Variants in LEMD1 observed in about 807,000 individuals in gnomAD.
LEMD1 encodes the protein LEM domain-containing protein 1.
LEMD1 carries 18 observed loss-of-function variants against 17.4 expected under a neutral mutation model. The ratio of observed to expected loss-of-function variants is 1.04; its 90% CI spans 0.72 to 1.54. LEMD1 has a LOEUF of 1.54. LEMD1 is among the 40% of genes most tolerant of loss of function. The pLI, the probability that LEMD1 is intolerant of heterozygous loss-of-function variation, is 0.00. For missense variants in LEMD1, 195 were observed against 210.4 expected, an observed-to-expected ratio of 0.93 and a Z score of 0.45; for synonymous variants, 88 against 77.8, an observed-to-expected ratio of 1.13 and a Z score of -0.69.
At chr1:205,391,533 CA>C (rs1370203005) in intron 4 of LEMD1, among the ~76,000 whole-genome samples, 1 of 152,222 alleles carries the variant, frequency 6.6e-6, no homozygotes, top group Non-Finnish European at 1.5e-5. Context: ...GGCAGCCAAA[CA>C]GCCCATCTCC....
rs566227611 is a variant in LEMD1, at chr1:205,400,821, G to T, written c.270+15411C>A. On this transcript the variant is annotated intron_variant, in intron 4 of 5. Transcript: ENST00000367153. Reference sequence around the variant, plus strand: ...CCATTAACTTGTCATTTAGCATTAGGTATATCTCCTAATGCTATCCCTCCC... The same window carrying T: ...CCATTAACTTGTCATTTAGCATTAGTTATATCTCCTAATGCTATCCCTCCC... Among the ~76,000 whole-genome samples, 5 of 143,464 alleles carry T rather than the reference G, an allele frequency of 3.5e-5. No individual in the cohort carries two copies. The East Asian group carries it at 6.6e-4, about 19-fold the overall frequency. The allele number at this position is 143,464 out of a possible 152,430, so 94.1% of individuals were successfully genotyped here.
intron 1 of LEMD1, chr1:205,435,750 T>C (rs10900490): frequency 0.72 from 109,766 of 152,088 alleles, 40,623 homozygotes; most frequent in East Asian, 0.92. Flanking sequence ...GGCAGCTCTT[T>C]TCCAGTCTCT....
intron 1 of LEMD1, among the ~76,000 whole-genome samples, chr1:205,446,730 G>A (rs998086301): frequency 6.6e-6 from 1 of 152,196 alleles, no homozygotes; most frequent in African/African-American, 2.4e-5. Context: ...TGGACAATGA[G>A]GGAGGTGGAG....
At chr1:205,389,033 C>CTTTTTTTTTTTTTTTTT (rs1278093645) in intron 4 of LEMD1, among the ~76,000 whole-genome samples, 1 of 77,090 alleles carries the variant, frequency 1.3e-5, no homozygotes. Context: ...AGTACATTTG[C>CTTTTTTTTTTTTTTTTT]TTTCTTTTTT....
chr1:205,410,217 T>A (rs1305350077), intron 4 of LEMD1, among the ~76,000 whole-genome samples: 1 of 152,146 alleles, frequency 6.6e-6, no homozygotes, highest in Non-Finnish European at 1.5e-5. Flanking sequence ...CCACCACACC[T>A]GGCAGAATCC....
intron 1 of LEMD1, among the ~76,000 whole-genome samples, chr1:205,432,529 C>G (rs1666139541): frequency 6.6e-6 from 1 of 152,220 alleles, no homozygotes; most frequent in Admixed American, 6.5e-5. Flanking sequence ...AGAGGAAGCA[C>G]TCATGAAATT....
chr1:205,448,458 C>T lies in LEMD1; in HGVS notation c.-39+1410G>A, dbSNP rs74141216. ...GAGAAGCTGGGGCACCCGAGAAGCC[C>T]TCACTCCCCTTCTCAGCACCCCCGA... On this transcript the variant is annotated intron_variant, in intron 1 of 3. Transcript: ENST00000367154. The surrounding 1 kb of genome is among the most constrained non-coding windows in gnomAD (Gnocchi z 4.7). The T allele has an allele frequency of 0.13, 67,164 of 524,714 alleles. 4,646 individuals are homozygous for T. The highest frequency in any genetic ancestry group is 0.19 in the African/African-American group (9,726 of 51,724). The allele number at this position is 524,714 out of a possible 1,614,324, so 32.5% of individuals were successfully genotyped here.
At chr1:205,383,745 T>C (rs1359290680) in intron 5 of LEMD1, among the ~76,000 whole-genome samples, 1 of 151,310 alleles carries the variant, frequency 6.6e-6, no homozygotes, top group Admixed American at 6.6e-5. Context: ...GCAATTCCCC[T>C]GCCTCAGCCT....
At chr1:205,438,575 A>G (rs1412510312) in intron 1 of LEMD1, among the ~76,000 whole-genome samples, 1 of 152,224 alleles carries the variant, frequency 6.6e-6, no homozygotes, top group African/African-American at 2.4e-5. Flanking sequence ...TTTCCTGAGA[A>G]GGAAACTGAG....
chr1:205,442,691 G>A (rs908913031), intron 1 of LEMD1, among the ~76,000 whole-genome samples: 10 of 152,162 alleles, frequency 6.6e-5, no homozygotes, highest in Non-Finnish European at 1.3e-4. Context: ...TTAATAACCC[G>A]ATTTCCAGCA....
At chr1:205,411,542 T>G (rs1191391374) in intron 4 of LEMD1, among the ~76,000 whole-genome samples, 3 of 114,380 alleles carry the variant, frequency 2.6e-5, no homozygotes, top group East Asian at 2.4e-4. Flanking sequence ...GGCCACAGAG[T>G]GAGACTCCGT....
At chr1:205,449,570 A>AACAGC (rs1200218042) in intron 1 of LEMD1, among the ~76,000 whole-genome samples, 10 of 152,096 alleles carry the variant, frequency 6.6e-5, no homozygotes, top group Admixed American at 2.0e-4. Flanking sequence ...ATTCCCCAAC[A>AACAGC]ACAGCACAGC....
chr1:205,418,041 A>G (rs1360647570), intron 3 of LEMD1, among the ~76,000 whole-genome samples: 1 of 151,800 alleles, frequency 6.6e-6, no homozygotes, highest in Non-Finnish European at 1.5e-5. Context: ...GGTGACAAAG[A>G]CAGATGGGTC....
chr1:205,408,482 TTTTC>T (rs201539359), intron 4 of LEMD1, among the ~76,000 whole-genome samples: 103 of 147,520 alleles, frequency 7.0e-4, no homozygotes, highest in Admixed American at 1.3e-3. Context: ...TTTAATAACT[TTTTC>T]TTTCTTTCTT....
At chr1:205,439,767 T>C (rs114738344) in intron 1 of LEMD1, among the ~76,000 whole-genome samples, 3,911 of 152,304 alleles carry the variant, frequency 0.026, 71 homozygotes, top group Middle Eastern at 0.058. Context: ...TCTCTGCTGC[T>C]GGCATTCGTC....
chr1:205,419,207 A>AGCAGT (rs749396231), intron 3 of LEMD1, 23 bp downstream of exon 3: 1 of 1,611,530 alleles, frequency 6.2e-7, no homozygotes, highest in East Asian at 2.2e-5. Context: ...GTTGCCATCT[A>AGCAGT]GCAGTACAGC....
intron 1 of LEMD1, among the ~76,000 whole-genome samples, chr1:205,421,259 C>T (rs982838998): frequency 6.6e-6 from 1 of 152,132 alleles, no homozygotes; most frequent in Admixed American, 6.5e-5. Context: ...CAGTTTTATC[C>T]ACTTGATCCC....
upstream of LEMD1, among the ~76,000 whole-genome samples, chr1:205,423,311 A>G (rs1666009985): frequency 6.6e-6 from 1 of 152,262 alleles, no homozygotes; most frequent in African/African-American, 2.4e-5. Context: ...TGCATTCACC[A>G]AACAAAGACT....
intron 5 of LEMD1, chr1:205,382,106 A>G: frequency 2.0e-6 from 1 of 489,812 alleles, no homozygotes; most frequent in Non-Finnish European, 3.7e-6. Context: ...GGCTCAAGAC[A>G]TCCTCCCACG....
Sources: gnomAD v4.1 joint callset for allele counts (sites outside exome capture counted in the v4.1 genomes callset) on GRCh38, gnomAD v4.1.1 for gene constraint, Gnocchi (gnomAD v3.1) non-coding constraint, MANE v1.5 for transcripts, NCBI Gene and HGNC (gene_info 2026-07-23, HGNC 2026-07-21) for gene names.